Variants in ABCC2 observed in about 807,000 individuals in gnomAD.
ABCC2 encodes ATP binding cassette subfamily C member 2.
Under a neutral mutation model 173.4 loss-of-function variants are expected in ABCC2, and 157 were observed. That is an observed-to-expected ratio of 0.91 (90% CI 0.80 to 1.03). The LOEUF is 1.03. Ranked by LOEUF, ABCC2 falls within the 50% of genes least tolerant of loss-of-function variation. The pLI is 0.00. For synonymous variants in ABCC2, 657 were observed against 693.5 expected (o/e 0.95, Z 0.83); for missense variants, 1,822 against 1,852.3 (o/e 0.98, Z 0.30).
chr10:99,786,382 A>G (rs1233753917), intron 2 of ABCC2, among the ~76,000 whole-genome samples: 2 of 152,220 alleles, frequency 1.3e-5, no homozygotes, highest in African/African-American at 4.8e-5. Context: ...CATTCTCAGT[A>G]CCCTTGGAAT....
chr10:99,814,183 G>A (rs867050187), intron 16 of ABCC2, among the ~76,000 whole-genome samples: 3,255 of 78,712 alleles, frequency 0.041, 383 homozygotes, highest in African/African-American at 0.055. Flanking sequence ...ACACATGTAT[G>A]TATACACACA....
In ABCC2 at chr10:99,832,029, A is replaced by G; in HGVS notation, c.3156A>G (p.Ala1052=). 2 of 1,614,214 alleles carry G rather than the reference A, an allele frequency of 1.2e-6. No homozygotes were observed. Among genetic ancestry groups the G allele is most frequent in the Non-Finnish European group, 8.5e-7 (1 of 1,180,022 alleles). ...GGAGTGCCTTTGGTTTCGTCCATGC[A>G]TCAAATATCTTGCACAAGCAACTGC... is the stretch of plus-strand genomic sequence containing the variant. ...HFWSAFGFVH[A]SNILHKQLLN... Residue 1052 remains alanine (A), a synonymous_variant, in exon 23 of 32, where the codon GCA becomes GCG. Transcript: ENST00000647814.
chr10:99,814,419 G>A (rs1297050933), intron 16 of ABCC2, among the ~76,000 whole-genome samples: 2 of 137,566 alleles, frequency 1.5e-5, no homozygotes, highest in South Asian at 2.2e-4. Context: ...GTGTATATAT[G>A]TGTGCATATA....
At chr10:99,794,334 A>C in intron 5 of ABCC2, 79 bp from the exon 6 acceptor site, 1 of 1,300,238 alleles carries the variant, frequency 7.7e-7, no homozygotes, top group Non-Finnish European at 1.1e-6. Context: ...TATCATTAAA[A>C]AATCAGTTTC....
chr10:99,830,617 C>T (rs1653835516), intron 20 of ABCC2, 99 bp from the exon 21 acceptor site: 2 of 1,593,824 alleles, frequency 1.3e-6, no homozygotes, highest in Non-Finnish European at 1.7e-6. Context: ...GTCATCTGCC[C>T]TGAAATGCGC....
At chr10:99,821,045 G>A (rs2038528174) in intron 19 of ABCC2, among the ~76,000 whole-genome samples, 1 of 152,130 alleles carries the variant, frequency 6.6e-6, no homozygotes, top group Non-Finnish European at 1.5e-5. Flanking sequence ...AGACAATTGT[G>A]GGGAGAGGGT....
chr10:99,847,874 C>T (rs1184567618), intron 30 of ABCC2, among the ~76,000 whole-genome samples: 2 of 152,098 alleles, frequency 1.3e-5, no homozygotes, highest in African/African-American at 2.4e-5. Context: ...GCTGAGATCA[C>T]ACCACTGCAC....
At chr10:99,783,796 T>C (rs1295044648) in intron 1 of ABCC2, among the ~76,000 whole-genome samples, 1 of 152,156 alleles carries the variant, frequency 6.6e-6, no homozygotes, top group African/African-American at 2.4e-5. Context: ...TGGATCTTCA[T>C]GGGCTATAGT....
intron 25 of ABCC2, 104 bp downstream of exon 25, chr10:99,836,394 C>T: frequency 8.7e-7 from 1 of 1,144,932 alleles, no homozygotes; most frequent in Admixed American, 1.8e-5. Flanking sequence ...GAAATTCACT[C>T]TGGCCACACA....
Position 99,799,237 on chromosome 10 carries a change from G to A in ABCC2, c.898G>A (p.Gly300Arg), listed in dbSNP as rs2037971211. Residue 300 changes from glycine to arginine, a missense_variant, in exon 8 of 32, where the codon GGG (glycine) becomes AGG (arginine). Gly to Arg is a moderately radical substitution (Grantham distance 125). Transcript: ENST00000647814. ...EDVEKKKKKS[G>R]TKKDVPKSWL... ...TGTTGAAAAGAAAAAAAAGAAGTCTGGGACCAAAAAAGATGTTCCAAAATC... is the reference window on the plus strand; with the variant it reads ...TGTTGAAAAGAAAAAAAAGAAGTCTAGGACCAAAAAAGATGTTCCAAAATC... The A allele has an allele frequency of 2.5e-6, 4 of 1,614,032 alleles. No individual in the cohort carries two copies. Among genetic ancestry groups the A allele is most frequent in the Non-Finnish European group, 3.4e-6 (4 of 1,179,986 alleles).
chr10:99,800,006 AG>A (rs1200532332), intron 8 of ABCC2, among the ~76,000 whole-genome samples: 1 of 152,198 alleles, frequency 6.6e-6, no homozygotes, highest in Non-Finnish European at 1.5e-5. Flanking sequence ...GTTAGAAACC[AG>A]GCTGGTCAAC....
chr10:99,822,128 A>C (rs1389275178), intron 19 of ABCC2, among the ~76,000 whole-genome samples: 1 of 152,204 alleles, frequency 6.6e-6, no homozygotes, highest in Admixed American at 6.5e-5. Flanking sequence ...TTATCCATCC[A>C]TGTGACTGCC....
intron 6 of ABCC2, among the ~76,000 whole-genome samples, chr10:99,795,741 A>G (rs2037892441): frequency 3.1e-5 from 1 of 32,314 alleles, no homozygotes; most frequent in Non-Finnish European, 6.7e-5. Flanking sequence ...GAAAGAAGGA[A>G]AGAAAGAAAG....
At chr10:99,782,948 G>A in intron 1 of ABCC2, 71 bp downstream of exon 1, 1 of 1,522,732 alleles carries the variant, frequency 6.6e-7, no homozygotes, top group Non-Finnish European at 9.1e-7. Context: ...GTTAACTTAG[G>A]GTGGTCACCA....
At chr10:99,832,211 T>C in intron 23 of ABCC2, 80 bp downstream of exon 23, 1 of 1,550,348 alleles carries the variant, frequency 6.5e-7, no homozygotes, top group South Asian at 1.1e-5. Flanking sequence ...TATGTCCCCC[T>C]AGACAACACT....
chr10:99,812,799 G>A (rs777112019), intron 15 of ABCC2, among the ~76,000 whole-genome samples: 1 of 152,118 alleles, frequency 6.6e-6, no homozygotes, highest in Non-Finnish European at 1.5e-5. Flanking sequence ...GATAAATTAG[G>A]GCTCATTAGG....
At chr10:99,803,562 C>A (rs1173509999) in intron 9 of ABCC2, among the ~76,000 whole-genome samples, 1 of 152,084 alleles carries the variant, frequency 6.6e-6, no homozygotes, top group Non-Finnish European at 1.5e-5. Context: ...GTGAAATAGA[C>A]AGATGTTGCC....
rs142454112 is a variant in ABCC2, at chr10:99,802,113, C to T, written c.1209+1550C>T. Among the ~76,000 whole-genome samples, 899 of 149,388 alleles carry T rather than the reference C, an allele frequency of 6.0e-3. 4 individuals carry two copies. The highest frequency in any genetic ancestry group is 9.7e-3 in the Non-Finnish European group (658 of 67,996). On this transcript the variant is annotated intron_variant, in intron 9 of 31. Coordinates refer to ENST00000647814, the MANE Select transcript of ABCC2 (RefSeq NM_000392.5). ...TTTTTCATAATTGTGATTATTCATT[C>T]GCACTATTTTGGTTCTTAATATTCC... is the stretch of plus-strand genomic sequence containing the variant.
Position 99,813,093 on chromosome 10 carries a change from A to T in ABCC2, c.2043A>T (p.Ile681=). The change falls in exon 16 of 32, where the codon ATA becomes ATT. Residue 681 remains isoleucine (I), a synonymous_variant. Coordinates refer to ENST00000647814, the MANE Select transcript of ABCC2 (RefSeq NM_000392.5). The part of the protein sequence containing the change: ...GPVGSGKSSL[I]SAMLGEMENV... ...TCGGCTCTGGGAAATCCTCCTTGATATCAGCCATGCTGGGAGAAATGGAAA... is the reference window on the plus strand; with the variant it reads ...TCGGCTCTGGGAAATCCTCCTTGATTTCAGCCATGCTGGGAGAAATGGAAA... 1 of 1,614,082 alleles carries T rather than the reference A, an allele frequency of 6.2e-7. No individual in the cohort carries two copies. The highest frequency in any genetic ancestry group is 8.5e-7 in the Non-Finnish European group (1 of 1,179,954).
Sources: gnomAD v4.1 joint callset for allele counts (sites outside exome capture counted in the v4.1 genomes callset) on GRCh38, gnomAD v4.1.1 for gene constraint, MANE v1.5 for transcripts, NCBI Gene and HGNC (gene_info 2026-07-23, HGNC 2026-07-21) for gene names.